LAMB1: variants seen among roughly 807,000 people sequenced by gnomAD.
The protein encoded by LAMB1 is laminin subunit beta 1.
LAMB1 carries 121 observed loss-of-function variants against 222.3 expected under a neutral mutation model. The ratio of observed to expected loss-of-function variants is 0.54; its 90% CI spans 0.47 to 0.63. LAMB1 has a LOEUF of 0.63. Ranked by LOEUF, LAMB1 falls within the 30% of genes least tolerant of loss-of-function variation. The pLI, the probability that LAMB1 is intolerant of heterozygous loss-of-function variation, is 0.00. For synonymous variants in LAMB1, 794 were observed against 807.2 expected, an observed-to-expected ratio of 0.98 and a Z score of 0.28; for missense variants, 2,172 against 2,240.8, an observed-to-expected ratio of 0.97 and a Z score of 0.62.
intron 24 of LAMB1, chr7:107,942,796 G>A (rs13222925): frequency 0.31 from 47,634 of 152,032 alleles, 8,853 homozygotes; most frequent in East Asian, 0.41. Flanking sequence ...ATGCTTGATC[G>A]TATTTCCATT....
intron 25 of LAMB1, among the ~76,000 whole-genome samples, chr7:107,937,553 G>C (rs768223054): frequency 5.3e-5 from 8 of 152,194 alleles, no homozygotes; most frequent in Admixed American, 1.3e-4. Context: ...AATTTCTGCT[G>C]TAAGATGAGC....
chr7:107,923,882 G>C lies in LAMB1; in HGVS notation c.*69C>G, dbSNP rs1268323300. ...AATAGGTGATGTTTTATTTTGAAGA[G>C]CATTAAGTCAGTTTTTAAAATGTAG... On this transcript the variant is annotated 3_prime_UTR_variant, in exon 34 of 34. Transcript: ENST00000222399. 13 of 1,359,850 alleles carry C rather than the reference G, an allele frequency of 9.6e-6. No individual in the cohort carries two copies. The highest frequency in any genetic ancestry group is 1.3e-5 in the Non-Finnish European group (13 of 983,562). 84.2% of individuals were successfully genotyped at this position (1,359,850 alleles called of 1,614,324 possible).
chr7:107,958,727 C>G (rs759950754), intron 20 of LAMB1, among the ~76,000 whole-genome samples: 48 of 152,212 alleles, frequency 3.2e-4, no homozygotes, highest in Non-Finnish European at 6.5e-4. Flanking sequence ...CCTATTCTTA[C>G]TCTACATCTA....
intron 10 of LAMB1, 97 bp from the exon 11 acceptor site, chr7:107,975,510 A>T: frequency 1.5e-6 from 2 of 1,325,786 alleles, no homozygotes; most frequent in South Asian, 3.0e-5. Context: ...AAATCTCACA[A>T]AAGTCGACTA....
At chr7:107,929,820 C>A in intron 29 of LAMB1, 1 of 593,150 alleles carries the variant, frequency 1.7e-6, no homozygotes. Context: ...TAACTGCAGA[C>A]AATTGAGTAC....
rs150810940 is a variant in LAMB1 at position 107,929,572 on chromosome 7, A to G, written c.4585T>C (p.Leu1529=). ...DSIEAVANEV[L]KMEMPSTPQQ... ...GGGGTGCTAGGCATCTCCATTTTCA[A>G]TACTTCATTAGCAACTGCTTCAATG... The change falls in exon 30 of 34, where the codon TTG becomes CTG. Residue 1529 remains leucine (L), a synonymous_variant. Coordinates refer to ENST00000222399, the MANE Select transcript of LAMB1 (RefSeq NM_002291.3). 5.5e-5 allele frequency: 89 copies of G among 1,614,130 alleles called. 1 individual carries two copies. In the East Asian group the frequency reaches 7.1e-4, roughly 13 times the overall value.
At chr7:107,980,850 C>A (rs1190739021) in intron 7 of LAMB1, 39 bp from the exon 8 acceptor site, 4 of 1,280,660 alleles carry the variant, frequency 3.1e-6, no homozygotes, top group Admixed American at 2.0e-5. Flanking sequence ...TCTGATCAGA[C>A]AAGCAAGAAG....
Position 107,961,292 on chromosome 7 carries a change from C to G in LAMB1, c.2023G>C (p.Gly675Arg). The G allele has an allele frequency of 6.2e-7, 1 of 1,614,082 alleles. No homozygotes were observed. The highest frequency in any genetic ancestry group is 1.3e-5 in the African/African-American group (1 of 75,002). The change falls in exon 17 of 34, where the codon GGA becomes CGA. Residue 675 changes from glycine to arginine, a missense_variant. By Grantham distance (125) the Gly-to-Arg change is moderately radical (BLOSUM62 -2). Transcript: ENST00000222399. ...TCCAACCTCACCGTGTAGTTTGTTCCCTTCTCAAAGCACACCGGCCGAGGA... is the reference window on the plus strand; with the variant it reads ...TCCAACCTCACCGTGTAGTTTGTTCGCTTCTCAAAGCACACCGGCCGAGGA... ...VLPRPVCFEK[G>R]TNYTVRLELP...
intron 13 of LAMB1, among the ~76,000 whole-genome samples, chr7:107,967,425 G>A (rs961367732): frequency 5.9e-5 from 9 of 152,012 alleles, no homozygotes; most frequent in Non-Finnish European, 8.8e-5. Context: ...CGGGCCAACC[G>A]ATCTTCCTAC....
chr7:107,964,414 G>T (rs1436377704), intron 14 of LAMB1, 138 bp downstream of exon 14: 2 of 981,610 alleles, frequency 2.0e-6, no homozygotes, highest in Non-Finnish European at 3.1e-6. Context: ...TCTCAGGAAG[G>T]CATGGTCCTG....
intron 25 of LAMB1, among the ~76,000 whole-genome samples, chr7:107,938,040 G>A (rs550437960): frequency 6.6e-6 from 1 of 152,184 alleles, no homozygotes; most frequent in South Asian, 2.1e-4. Flanking sequence ...CTCCAGGTGG[G>A]TGTGGGTAGG....
intron 8 of LAMB1, among the ~76,000 whole-genome samples, chr7:107,980,408 T>C (rs1268482971): frequency 7.2e-5 from 11 of 152,256 alleles, no homozygotes; most frequent in African/African-American, 2.4e-4. Context: ...ATGAAATGAG[T>C]AGTCTGTACA....
At chr7:107,998,310 G>T in intron 4 of LAMB1, 47 bp downstream of exon 4, 1 of 1,597,606 alleles carries the variant, frequency 6.3e-7, no homozygotes, top group Non-Finnish European at 8.6e-7. Context: ...CTCCACCCAA[G>T]TTATCAATCA....
chr7:107,937,758 A>G (rs1390374776), intron 25 of LAMB1, among the ~76,000 whole-genome samples: 1 of 152,182 alleles, frequency 6.6e-6, no homozygotes, highest in Non-Finnish European at 1.5e-5. Flanking sequence ...GCCTGCCACA[A>G]AGACAACAGG....
chr7:107,932,886 A>C (rs2116329365), intron 27 of LAMB1, among the ~76,000 whole-genome samples: 1 of 152,334 alleles, frequency 6.6e-6, no homozygotes, highest in South Asian at 2.1e-4. Context: ...ATAGCCAAGA[A>C]TAGGTCAGAT....
intron 3 of LAMB1, among the ~76,000 whole-genome samples, chr7:108,000,323 G>C (rs2034358390): frequency 6.6e-6 from 1 of 152,264 alleles, no homozygotes; most frequent in African/African-American, 2.4e-5. Flanking sequence ...CATTCCTTTG[G>C]TCTAATTGAT....
Position 107,952,151 on chromosome 7 carries a change from G to A in LAMB1, c.3152C>T (p.Thr1051Ile). ...ATTAGGAAGACACAAGCACTGACCA[G>A]TGGCTTTGTCGCACTGGCAGTCAGA... ...NGSDCQCDKA[T>I]GQCLCLPNVI... The change falls in exon 23 of 34, where the codon ACT (threonine) becomes ATT (isoleucine). Residue 1051 changes from threonine (T) to isoleucine (I), a missense_variant. Thr to Ile is a moderately conservative substitution (Grantham distance 89, BLOSUM62 -1). Coordinates refer to ENST00000222399, the MANE Select transcript of LAMB1 (RefSeq NM_002291.3). 1 of 1,613,786 alleles carries A rather than the reference G, an allele frequency of 6.2e-7. No homozygotes were observed. Among genetic ancestry groups the A allele is most frequent in the South Asian group, 1.1e-5 (1 of 91,010 alleles).
chr7:107,953,154 C>T (rs2033295176), intron 22 of LAMB1, among the ~76,000 whole-genome samples: 1 of 152,090 alleles, frequency 6.6e-6, no homozygotes, highest in African/African-American at 2.4e-5. Context: ...GTCAGGAGTT[C>T]GAGACCAACC....
chr7:107,944,379 T>C (rs1371128523), intron 24 of LAMB1, among the ~76,000 whole-genome samples: 2 of 151,922 alleles, frequency 1.3e-5, no homozygotes, highest in East Asian at 3.9e-4. Context: ...TGGGTAAGAG[T>C]TCCAATGAGC....
Sources: allele counts gnomAD v4.1 joint callset (sites outside exome capture counted in the v4.1 genomes callset), GRCh38; gene constraint gnomAD v4.1.1; transcripts MANE v1.5; gene names NCBI Gene and HGNC (gene_info 2026-07-23, HGNC 2026-07-21).